CRACDL: variants seen among roughly 807,000 people sequenced by gnomAD.
The protein encoded by CRACDL is CRACD like.
CRACDL carries 26 observed loss-of-function variants against 70.6 expected under a neutral mutation model. That is an observed-to-expected ratio of 0.37 (90% confidence interval 0.27 to 0.51). The LOEUF (loss-of-function observed/expected upper bound fraction) is 0.51. Among genes scored for constraint, CRACDL ranks in the 20% least tolerant of loss-of-function variants. The pLI, the probability that CRACDL is intolerant of heterozygous loss-of-function variation, is 0.94. For synonymous variants in CRACDL, 618 were observed against 615.2 expected (o/e 1.00, Z -0.07); for missense variants, 1,283 against 1,376.9 (o/e 0.93, Z 1.08).
intron 2 of CRACDL, 56 bp downstream of exon 2, chr2:98,846,675 C>T (rs2104536005): frequency 4.1e-6 from 6 of 1,457,994 alleles, no homozygotes; most frequent in Non-Finnish European, 5.8e-6. Flanking sequence ...CAGTCCCTCT[C>T]CCTGCCCCAC....
chr2:98,825,449 T>C (rs946046546), intron 6 of CRACDL, among the ~76,000 whole-genome samples: 1 of 152,212 alleles, frequency 6.6e-6, no homozygotes, highest in African/African-American at 2.4e-5. Flanking sequence ...CCTGCCCAGA[T>C]GGGAGCAAGA....
intron 2 of CRACDL, among the ~76,000 whole-genome samples, chr2:98,839,162 G>C (rs1256349359): frequency 6.6e-6 from 1 of 152,058 alleles, no homozygotes; most frequent in Non-Finnish European, 1.5e-5. Context: ...AAAAAACCCA[G>C]GATCTTTCTG....
At chr2:98,900,676 G>A (rs142083085) in intron 1 of CRACDL, among the ~76,000 whole-genome samples, 4,260 of 152,196 alleles carry the variant, frequency 0.028, 83 homozygotes, top group Middle Eastern at 0.065. Flanking sequence ...GTGCTGTTTA[G>A]TAAAGTACTG....
At chr2:98,849,091 T>C (rs1384065869) in intron 1 of CRACDL, among the ~76,000 whole-genome samples, 2 of 152,076 alleles carry the variant, frequency 1.3e-5, no homozygotes, top group Non-Finnish European at 2.9e-5. Flanking sequence ...CTGTCCCCAG[T>C]GGGGCTCAAG....
chr2:98,922,720 G>A lies in CRACDL; in HGVS notation c.-11+13218C>T, dbSNP rs555487854. 1.0e-3 allele frequency among the ~76,000 whole-genome samples: 159 copies of A among 152,298 alleles called. 1 individual carries two copies. The highest frequency in any genetic ancestry group is 1.9e-3 in the Non-Finnish European group (127 of 68,012). On this transcript the variant is annotated intron_variant, in intron 1 of 9. Transcript: ENST00000397899. Reference sequence around the variant, plus strand: ...AAGGTCCCCTGCAAAACAGGGCCACGGAGGGAAGGACATGCCTGCAAGGGT... The same window carrying A: ...AAGGTCCCCTGCAAAACAGGGCCACAGAGGGAAGGACATGCCTGCAAGGGT...
At chr2:98,867,148 C>T (rs1707179439) in intron 1 of CRACDL, among the ~76,000 whole-genome samples, 1 of 152,208 alleles carries the variant, frequency 6.6e-6, no homozygotes, top group Non-Finnish European at 1.5e-5. Context: ...AATACCATAG[C>T]TTCATTCCAA....
In CRACDL at chr2:98,795,073, ATATATT is replaced by A. The variant is rs1196667787; in HGVS notation, c.2750-408_2750-403del. On this transcript the variant is annotated intron_variant, in intron 9 of 9. Coordinates refer to ENST00000397899, the MANE Select transcript of CRACDL (RefSeq NM_207362.3). ...TATATATATATATATATATATATATATATATTTTTTTTTTTTTTTGAGACAGAAGTC... is the reference window on the plus strand; with the variant it reads ...TATATATATATATATATATATATATATTTTTTTTTTTTTGAGACAGAAGTC... Among the ~76,000 whole-genome samples the A allele has an allele frequency of 0.02, 401 of 20,088 alleles. 70 individuals are homozygous for A. The East Asian group carries it at 0.32, about 16-fold the overall frequency. The allele number at this position is 20,088 out of a possible 152,430, so 13.2% of individuals were successfully genotyped here.
chr2:98,803,961 C>A (rs1244060223), intron 7 of CRACDL, among the ~76,000 whole-genome samples: 4 of 152,066 alleles, frequency 2.6e-5, no homozygotes, highest in Admixed American at 2.0e-4. Context: ...CACACCACTG[C>A]GGCAGGGTTT....
rs188254659 is a variant in CRACDL, at chr2:98,802,688, C to T, written c.2417-5151G>A. 7.0e-4 allele frequency among the ~76,000 whole-genome samples: 107 copies of T among 152,292 alleles called. No individual in the cohort carries two copies. In the East Asian group the frequency reaches 0.014, roughly 21 times the overall value. ...TCTTTCAGAAGGACTTCTGCTATGA[C>T]GAGTTGAGGGGCCCAGGGTGGGACC... is the stretch of plus-strand genomic sequence containing the variant. On this transcript the variant is annotated intron_variant, in intron 7 of 9. Transcript: ENST00000397899.
At chr2:98,889,447 T>A (rs1350069710) in intron 1 of CRACDL, among the ~76,000 whole-genome samples, 1 of 152,152 alleles carries the variant, frequency 6.6e-6, no homozygotes, top group Non-Finnish European at 1.5e-5. Context: ...AATTGTATAA[T>A]GACAAAAGTA....
chr2:98,841,289 T>G (rs1352961315), intron 2 of CRACDL, among the ~76,000 whole-genome samples: 1 of 152,144 alleles, frequency 6.6e-6, no homozygotes, highest in Admixed American at 6.5e-5. Context: ...CCACTCACAC[T>G]CACTGTAATT....
chr2:98,846,168 T>C (rs1407854998), intron 2 of CRACDL, among the ~76,000 whole-genome samples: 2 of 152,156 alleles, frequency 1.3e-5, no homozygotes, highest in African/African-American at 4.8e-5. Flanking sequence ...TAAATAGCAA[T>C]ATTTGGATAA....
At chr2:98,839,688 G>C (rs4263159) in intron 2 of CRACDL, among the ~76,000 whole-genome samples, 2 of 151,996 alleles carry the variant, frequency 1.3e-5, no homozygotes, top group African/African-American at 4.8e-5. Context: ...TTTGTAATTC[G>C]ATTTCTTTAA....
rs368628945 is a variant in CRACDL at position 98,822,989 on chromosome 2, G to T, written c.1284C>A (p.Arg428=). ...TCGGGACACTGCGTTCTGGCCCGTC[G>T]CGAGCAGAGGGCGCCTCTGAGGTGG... The part of the protein sequence containing the change: ...PAATSEAPSA[R]DGPERSVPKE... The change falls in exon 7 of 10, where the codon CGC becomes CGA. Residue 428 remains arginine, a synonymous_variant. Transcript: ENST00000397899. This position sits in a 1 kb window ranked among gnomAD's most constrained non-coding sequence, Gnocchi z 4.9. 1.3e-6 allele frequency: 2 copies of T among 1,491,464 alleles called. No individual in the cohort carries two copies. Among genetic ancestry groups the T allele is most frequent in the East Asian group, 2.7e-5 (1 of 36,900 alleles). The allele number at this position is 1,491,464 out of a possible 1,614,324, so 92.4% of individuals were successfully genotyped here.
intron 1 of CRACDL, among the ~76,000 whole-genome samples, chr2:98,899,004 C>G (rs913359442): frequency 6.6e-6 from 1 of 152,206 alleles, no homozygotes; most frequent in Non-Finnish European, 1.5e-5. Flanking sequence ...AGTGATAGTT[C>G]ATGGCTACCA....
intron 1 of CRACDL, among the ~76,000 whole-genome samples, chr2:98,879,968 G>A (rs1381660624): frequency 1.3e-5 from 2 of 152,214 alleles, no homozygotes; most frequent in South Asian, 4.1e-4. Flanking sequence ...TGACTTCTGC[G>A]TTGCCTCATG....
intron 1 of CRACDL, among the ~76,000 whole-genome samples, chr2:98,891,405 A>AAAAAAAAAAAAAAAC (rs1707977563): frequency 1.4e-5 from 2 of 147,966 alleles, no homozygotes; most frequent in Non-Finnish European, 3.0e-5. Flanking sequence ...AAAAAAAAAA[A>AAAAAAAAAAAAAAAC]TCCAAACTTT....
In CRACDL at chr2:98,823,633, A is replaced by C; in HGVS notation, c.736-96T>G. 4 of 1,422,750 alleles carry C rather than the reference A, an allele frequency of 2.8e-6. No individual in the cohort carries two copies. The highest frequency in any genetic ancestry group is 3.8e-6 in the Non-Finnish European group (4 of 1,046,158). The allele number at this position is 1,422,750 out of a possible 1,614,324, so 88.1% of individuals were successfully genotyped here. On this transcript the variant is annotated intron_variant, in intron 6 of 9. Transcript: ENST00000397899. The surrounding 1 kb of genome is among the most constrained non-coding windows in gnomAD (Gnocchi z 4.0). Reference sequence around the variant, plus strand: ...TTTCAAGGCTTATAATGGTTTAGTGATAGCAGCACTATAAAGCTGGCACTT... The same window carrying C: ...TTTCAAGGCTTATAATGGTTTAGTGCTAGCAGCACTATAAAGCTGGCACTT...
chr2:98,897,873 CA>C, intron 1 of CRACDL, among the ~76,000 whole-genome samples: 1 of 152,218 alleles, frequency 6.6e-6, no homozygotes, highest in Admixed American at 6.5e-5. Context: ...CGGACAGTCC[CA>C]GGAGATCCCA....
Sources: gnomAD v4.1 joint callset for allele counts (sites outside exome capture counted in the v4.1 genomes callset) on GRCh38, gnomAD v4.1.1 for gene constraint, Gnocchi (gnomAD v3.1) non-coding constraint, MANE v1.5 for transcripts, NCBI Gene and HGNC (gene_info 2026-07-23, HGNC 2026-07-21) for gene names.